Variants in LPCAT1 observed in about 807,000 individuals in gnomAD.
LPCAT1 encodes lysophosphatidylcholine acyltransferase 1.
Under a neutral mutation model 60.9 loss-of-function variants are expected in LPCAT1, and 23 were observed. The observed-to-expected ratio is 0.38, with a 90% CI of 0.27 to 0.53. The LOEUF (loss-of-function observed/expected upper bound fraction) is 0.53. Ranked by LOEUF, LPCAT1 falls within the 20% of genes least tolerant of loss-of-function variation. The pLI is 0.82. For missense variants in LPCAT1, 622 were observed against 723.6 expected, an observed-to-expected ratio of 0.86 and a Z score of 1.61; for synonymous variants, 340 against 301.1, an observed-to-expected ratio of 1.13 and a Z score of -1.34.
chr5:1,474,029 A>G lies in LPCAT1; in HGVS notation c.1107T>C (p.Ile369=). 1.9e-6 allele frequency: 3 copies of G among 1,614,206 alleles called. No homozygotes were observed. The highest frequency in any genetic ancestry group is 1.7e-6 in the Non-Finnish European group (2 of 1,180,042). Residue 369 remains isoleucine (I), a synonymous_variant, in exon 11 of 14, where the codon ATT becomes ATC. Transcript: ENST00000283415. ...CTTCCAGGGAGGCGGCAAACTCCGC[A>G]ATACCTATCTTCTCTCCTCCCTTCA... ...ARMKGGEKIG[I]AEFAASLEVP... is the part of the protein sequence containing the mutation.
At position 1,477,997 on chromosome 5, in the gene LPCAT1, C is replaced by G. The variant is rs1734992722; in HGVS notation, c.817-511G>C. On this transcript the variant is annotated intron_variant, in intron 8 of 13. Transcript: ENST00000283415. This position sits in a 1 kb window ranked among gnomAD's most constrained non-coding sequence, Gnocchi z 6.0. ...TCAGTGCTCCTAGGAGCTCCTGCTG[C>G]CTACATCAGAACATCCAGCTCCCTG... 6.6e-6 allele frequency among the ~76,000 whole-genome samples: 1 copy of G among 152,256 alleles called. No individual in the cohort carries two copies. Among genetic ancestry groups the G allele is most frequent in the Admixed American group, 6.5e-5 (1 of 15,284 alleles).
In LPCAT1 at chr5:1,523,675, G is replaced by T; in HGVS notation, c.135+35C>A. On this transcript the variant is annotated intron_variant, in intron 1 of 13. Transcript: ENST00000283415. The surrounding 1 kb of genome is among the most constrained non-coding windows in gnomAD (Gnocchi z 7.1). ...TGGCCCCAGCATCCCTGGCGTCCGC[G>T]CCGGCTCCCGGGGCCGCGCGCCCTG... The T allele has an allele frequency of 9.3e-7, 1 of 1,072,196 alleles. No individual in the cohort carries two copies. Among genetic ancestry groups the T allele is most frequent in the Non-Finnish European group, 1.1e-6 (1 of 886,346 alleles). 66.4% of individuals were successfully genotyped at this position (1,072,196 alleles called of 1,614,324 possible). A position where few individuals can be genotyped will look rare whatever the true frequency, so the allele number is the denominator to read the frequency against.
chr5:1,465,480 AAAC>A (rs1190401363), intron 13 of LPCAT1, among the ~76,000 whole-genome samples: 32 of 125,148 alleles, frequency 2.6e-4, no homozygotes, highest in African/African-American at 9.2e-4. Flanking sequence ...TGCACACACA[AAAC>A]AAGCGCATGC....
rs374541703 is a variant in LPCAT1 at position 1,483,064 on chromosome 5, C to T, written c.726+364G>A. On this transcript the variant is annotated intron_variant, in intron 6 of 13. Coordinates refer to ENST00000283415, the MANE Select transcript of LPCAT1 (RefSeq NM_024830.5). This position sits in a 1 kb window ranked among gnomAD's most constrained non-coding sequence, Gnocchi z 9.2. ...ACTGAAAGCTGCTGGGGGCCCTGGCCGGTGATGTGGGGTGGAGGGGTTCCC... is the reference window on the plus strand; with the variant it reads ...ACTGAAAGCTGCTGGGGGCCCTGGCTGGTGATGTGGGGTGGAGGGGTTCCC... Among the ~76,000 whole-genome samples, 8 of 151,760 alleles carry T rather than the reference C, an allele frequency of 5.3e-5. No homozygotes were observed. Among genetic ancestry groups the T allele is most frequent in the East Asian group, 1.9e-4 (1 of 5,136 alleles).
At chr5:1,494,640 G>A in intron 3 of LPCAT1, 60 bp downstream of exon 3, 1 of 1,471,974 alleles carries the variant, frequency 6.8e-7, no homozygotes, top group Non-Finnish European at 9.5e-7. Flanking sequence ...CAGCAGCAGG[G>A]GGATCTCTCA....
intron 13 of LPCAT1, among the ~76,000 whole-genome samples, chr5:1,465,336 GTAAC>G (rs145714578): frequency 0.22 from 27,299 of 122,648 alleles, 3,180 homozygotes; most frequent in Middle Eastern, 0.39. Flanking sequence ...CAGGCACACA[GTAAC>G]TAAACACACA....
At position 1,483,815 on chromosome 5, in the gene LPCAT1, G is replaced by A. The variant is rs185658418; in HGVS notation, c.668-329C>T. On this transcript the variant is annotated intron_variant, in intron 5 of 13. Coordinates refer to ENST00000283415, the MANE Select transcript of LPCAT1 (RefSeq NM_024830.5). This position sits in a 1 kb window ranked among gnomAD's most constrained non-coding sequence, Gnocchi z 9.2. Reference sequence around the variant, plus strand: ...ACGAGCTGGAAGACATCCGTGGAGGGACACTTTCTGCTGTAACATCGCGCA... The same window carrying A: ...ACGAGCTGGAAGACATCCGTGGAGGAACACTTTCTGCTGTAACATCGCGCA... Among the ~76,000 whole-genome samples the A allele has an allele frequency of 2.2e-4, 32 of 147,530 alleles. No individual in the cohort carries two copies. The highest frequency in any genetic ancestry group is 6.6e-4 in the South Asian group (3 of 4,520).
intron 1 of LPCAT1, among the ~76,000 whole-genome samples, chr5:1,518,914 G>C (rs748289254): frequency 1.8e-4 from 28 of 152,280 alleles, no homozygotes; most frequent in Non-Finnish European, 2.9e-4. Context: ...GAACGGAAAG[G>C]TGTTGTCTCA....
At chr5:1,486,163 C>A (rs1735363649) in intron 5 of LPCAT1, among the ~76,000 whole-genome samples, 1 of 152,186 alleles carries the variant, frequency 6.6e-6, no homozygotes. Context: ...CCCACATGGG[C>A]CTGTTTCAGG....
chr5:1,492,430 G>A (rs756594787), intron 3 of LPCAT1, among the ~76,000 whole-genome samples: 11 of 152,210 alleles, frequency 7.2e-5, no homozygotes, highest in Non-Finnish European at 1.3e-4. Flanking sequence ...CTCCAGGTGC[G>A]CAGTAGAGGA....
intron 3 of LPCAT1, among the ~76,000 whole-genome samples, chr5:1,494,449 C>T (rs994509547): frequency 8.6e-5 from 13 of 150,320 alleles, no homozygotes; most frequent in African/African-American, 3.2e-4. Context: ...TAGGGAGGGT[C>T]TCACTCATTT....
At chr5:1,511,628 C>T (rs1736360436) in intron 1 of LPCAT1, among the ~76,000 whole-genome samples, 1 of 152,248 alleles carries the variant, frequency 6.6e-6, no homozygotes, top group Non-Finnish European at 1.5e-5. Flanking sequence ...TGGGGATGCA[C>T]CTGTACGCCT....
intron 1 of LPCAT1, chr5:1,510,759 T>G (rs1736331945): frequency 6.6e-6 from 1 of 152,346 alleles, no homozygotes; most frequent in Non-Finnish European, 1.5e-5. Context: ...GGTAGCACCC[T>G]GGGGTGACAC....
At chr5:1,467,699 G>A (rs1734482897) in intron 12 of LPCAT1, among the ~76,000 whole-genome samples, 2 of 151,166 alleles carry the variant, frequency 1.3e-5, no homozygotes, top group Admixed American at 1.3e-4. Flanking sequence ...GCAGGGTCCT[G>A]CCCCAGCCCT....
At position 1,481,532 on chromosome 5, in the gene LPCAT1, C is replaced by T. The variant is rs186603913; in HGVS notation, c.727-556G>A. On this transcript the variant is annotated intron_variant, in intron 6 of 13. Coordinates refer to ENST00000283415, the MANE Select transcript of LPCAT1 (RefSeq NM_024830.5). The surrounding 1 kb of genome is among the most constrained non-coding windows in gnomAD (Gnocchi z 7.8). ...AGGGACCACACAGCAGGGGCCGTGA[C>T]GGCAGAGGCCCAGACACCGTCACCC... is the stretch of plus-strand genomic sequence containing the variant. Among the ~76,000 whole-genome samples, 2 of 152,398 alleles carry T rather than the reference C, an allele frequency of 1.3e-5. No individual in the cohort carries two copies. Among genetic ancestry groups the T allele is most frequent in the Admixed American group, 6.5e-5 (1 of 15,314 alleles).
intron 1 of LPCAT1, among the ~76,000 whole-genome samples, chr5:1,515,592 C>T (rs1272766696): frequency 6.6e-6 from 1 of 151,708 alleles, no homozygotes; most frequent in Non-Finnish European, 1.5e-5. Flanking sequence ...ATACCCTGCC[C>T]TGCACTATCT....
rs1734820194 is a variant in LPCAT1, at chr5:1,474,565, G to T, written c.1020C>A (p.Gly340=). 1.2e-6 allele frequency: 2 copies of T among 1,613,908 alleles called. No individual in the cohort carries two copies. Among genetic ancestry groups the T allele is most frequent in the Non-Finnish European group, 1.7e-6 (2 of 1,179,994 alleles). The change falls in exon 10 of 14, where the codon GGC becomes GGA. Residue 340 remains glycine, a synonymous_variant. Coordinates refer to ENST00000283415, the MANE Select transcript of LPCAT1 (RefSeq NM_024830.5). ...AAGAAGAACCAGGTACTCACCCGAG[G>T]CCCCGCACGAGCCTGGCAAATTCTA... The part of the protein sequence containing the change: ...CLLEFARLVR[G]LGLKPEKLEK...
chr5:1,523,776 C>G lies in LPCAT1; in HGVS notation c.69G>C (p.Leu23=). ...ASSAGASDAR[L]LAPPGRNPFV... is the part of the protein sequence containing the mutation. ...AGGGGTTCCGCCCCGGGGGCGCCAG[C>G]AGCCGAGCGTCGCTGGCCCCTGCGC... Residue 23 remains leucine, a synonymous_variant, in exon 1 of 14, where the codon CTG becomes CTC. Coordinates refer to ENST00000283415, the MANE Select transcript of LPCAT1 (RefSeq NM_024830.5). The surrounding 1 kb of genome is among the most constrained non-coding windows in gnomAD (Gnocchi z 7.1). The G allele has an allele frequency of 8.7e-7, 1 of 1,151,294 alleles. No individual in the cohort carries two copies. Among genetic ancestry groups the G allele is most frequent in the South Asian group, 2.7e-5 (1 of 37,356 alleles). The allele number at this position is 1,151,294 out of a possible 1,614,324, so 71.3% of individuals were successfully genotyped here.
intron 13 of LPCAT1, among the ~76,000 whole-genome samples, chr5:1,464,620 A>C (rs1560943382): frequency 6.6e-6 from 1 of 151,814 alleles, no homozygotes; most frequent in Non-Finnish European, 1.5e-5. Flanking sequence ...AAACAAGCAC[A>C]CACACGGTAA....
Sources: allele counts gnomAD v4.1 joint callset (sites outside exome capture counted in the v4.1 genomes callset), GRCh38; gene constraint gnomAD v4.1.1; non-coding constraint Gnocchi (gnomAD v3.1); transcripts MANE v1.5; gene names NCBI Gene and HGNC (gene_info 2026-07-23, HGNC 2026-07-21).